The following FAM200B variants were observed in gnomAD, a reference collection of about 807,000 sequenced individuals.
FAM200B encodes protein FAM200B.
A neutral mutation model predicts 33.1 loss-of-function variants in FAM200B; 32 were observed. The observed-to-expected ratio is 0.97, with a 90% CI of 0.73 to 1.30. The LOEUF is 1.30. Among genes scored for constraint, FAM200B ranks in the 50% most tolerant of loss-of-function variants. FAM200B has a pLI of 0.00. For synonymous variants in FAM200B, 240 were observed against 264.8 expected (o/e 0.91, Z 0.91); for missense variants, 741 against 754.0 (o/e 0.98, Z 0.20).
chr4:15,639,697 G>A, the FAM200B span, among the ~76,000 whole-genome samples: 1 of 152,186 alleles, frequency 6.6e-6, no homozygotes, highest in Non-Finnish European at 1.5e-5. Context: ...AACACTGGCT[G>A]TATATTACAA....
the FAM200B span, among the ~76,000 whole-genome samples, chr4:15,671,395 A>T: frequency 6.6e-6 from 1 of 151,936 alleles, no homozygotes; most frequent in Non-Finnish European, 1.5e-5. Context: ...TTAAGATTTT[A>T]TCTTTATCAC....
chr4:15,640,448 A>G, the FAM200B span, among the ~76,000 whole-genome samples: 6 of 152,092 alleles, frequency 3.9e-5, no homozygotes, highest in South Asian at 1.2e-3. Flanking sequence ...AAAACAAAAA[A>G]ATATTTAAAA....
At chr4:15,637,645 C>T in the FAM200B span, among the ~76,000 whole-genome samples, 1 of 152,138 alleles carries the variant, frequency 6.6e-6, no homozygotes, top group Non-Finnish European at 1.5e-5. Flanking sequence ...TTAAACCAGA[C>T]ATAACAAGTC....
At chr4:15,641,935 G>A in the FAM200B span, among the ~76,000 whole-genome samples, 4 of 151,966 alleles carry the variant, frequency 2.6e-5, no homozygotes, top group Admixed American at 1.3e-4. Context: ...GCTGAGGCAC[G>A]GAGAACTGCT....
At chr4:15,654,237 A>T in the FAM200B span, among the ~76,000 whole-genome samples, 1 of 152,244 alleles carries the variant, frequency 6.6e-6, no homozygotes, top group Non-Finnish European at 1.5e-5. Context: ...AACAGTAGTC[A>T]TTTGAATGCT....
the FAM200B span, among the ~76,000 whole-genome samples, chr4:15,649,833 T>C: frequency 6.6e-6 from 1 of 152,084 alleles, no homozygotes; most frequent in Non-Finnish European, 1.5e-5. Flanking sequence ...AAAATCCTCA[T>C]TTTACAGACT....
the FAM200B span, among the ~76,000 whole-genome samples, chr4:15,644,085 T>C: frequency 6.6e-6 from 1 of 152,228 alleles, no homozygotes; most frequent in Non-Finnish European, 1.5e-5. Context: ...GAAAAATCTC[T>C]CAGCCTTAGT....
the FAM200B span, among the ~76,000 whole-genome samples, chr4:15,648,355 A>G: frequency 6.6e-6 from 1 of 152,228 alleles, no homozygotes. Flanking sequence ...TGTAATTTTC[A>G]TAAGTTCCAG....
Position 15,687,243 on chromosome 4 carries a change from GTAA to G in FAM200B, c.272_274del (p.Asn91del). On this transcript the variant is annotated inframe_deletion, in exon 2 of 2. Transcript: ENST00000422728. ...AATGACAGACCTCAGTGTGTTATTTGTAATAATATTCTTGCGAATGAAAGCTTA... is the reference window on the plus strand; with the variant it reads ...AATGACAGACCTCAGTGTGTTATTTGTAATATTCTTGCGAATGAAAGCTTA... 1.9e-6 allele frequency: 3 copies of G among 1,545,288 alleles called. No individual in the cohort carries two copies. Among genetic ancestry groups the G allele is most frequent in the Non-Finnish European group, 2.6e-6 (3 of 1,144,926 alleles).
the FAM200B span, among the ~76,000 whole-genome samples, chr4:15,673,899 C>G: frequency 2.0e-5 from 3 of 152,202 alleles, no homozygotes; most frequent in African/African-American, 7.2e-5. Context: ...CTGAGGCAAT[C>G]ATAGGACTCA....
the FAM200B span, among the ~76,000 whole-genome samples, chr4:15,666,381 CAG>C: frequency 6.6e-6 from 1 of 152,048 alleles, no homozygotes; most frequent in South Asian, 2.1e-4. Context: ...GCCAGGGAGA[CAG>C]AGCAAGACCC....
rs528044752 is a variant in FAM200B, at chr4:15,686,997, A to C, written c.20A>C (p.Lys7Thr). 2.1e-6 allele frequency: 3 copies of C among 1,407,022 alleles called. No homozygotes were observed. In the African/African-American group the frequency reaches 4.4e-5, roughly 21 times the overall value. 87.2% of individuals were successfully genotyped at this position (1,407,022 alleles called of 1,614,324 possible). A position where few individuals can be genotyped will look rare whatever the true frequency, so the allele number is the denominator to read the frequency against. ...ATTAAAATGGATCATTTCTTTATTA[A>C]AAGAAAGAGGAATAGTGAAGTGAAA... MDHFFI[K>T]RKRNSEVKYT... Residue 7 changes from lysine to threonine, a missense_variant, in exon 2 of 2, where the codon AAA becomes ACA. By Grantham distance (78) the Lys-to-Thr change is moderately conservative. Coordinates refer to ENST00000422728, the MANE Select transcript of FAM200B (RefSeq NM_001145191.2).
chr4:15,687,569 AAC>A lies in FAM200B; in HGVS notation c.596_597del (p.Thr199SerfsTer31), dbSNP rs1440009964. 1.3e-6 allele frequency: 2 copies of A among 1,550,194 alleles called. No individual in the cohort carries two copies. Among genetic ancestry groups the A allele is most frequent in the Non-Finnish European group, 8.7e-7 (1 of 1,146,128 alleles). Reference protein sequence around the residue: ...ADKLKTIPNDNTVSLRICTIA... With the variant: ...ADKLKTIPNDXTVSLRICTIA... ...TAAATTAAAAACTATACCTAATGAT[AAC>A]ACAGTATCTCTTCGAATTTGTACTA... On this transcript the variant is annotated frameshift_variant, in exon 2 of 2. Transcript: ENST00000422728. LOFTEE classifies it high-confidence loss of function.
At chr4:15,639,733 C>T in the FAM200B span, among the ~76,000 whole-genome samples, 2 of 152,164 alleles carry the variant, frequency 1.3e-5, no homozygotes, top group African/African-American at 2.4e-5. Flanking sequence ...TGAAAAAATA[C>T]CCAGGTCAAT....
the FAM200B span, among the ~76,000 whole-genome samples, chr4:15,654,419 C>T: frequency 8.8e-3 from 1,347 of 152,306 alleles, 27 homozygotes; most frequent in African/African-American, 0.031. Flanking sequence ...TTATGCTGCA[C>T]CAATTATGGG....
At chr4:15,683,720 C>CT (rs1181224526) in intron 1 of FAM200B, among the ~76,000 whole-genome samples, 3 of 152,106 alleles carry the variant, frequency 2.0e-5, no homozygotes, top group Non-Finnish European at 4.4e-5. Context: ...GAAGTAGAAT[C>CT]TTTAACAATC....
At position 15,687,846 on chromosome 4, in the gene FAM200B, A is replaced by G. The variant is rs965813352; in HGVS notation, c.869A>G (p.Asn290Ser). 1.3e-6 allele frequency: 2 copies of G among 1,551,232 alleles called. No individual in the cohort carries two copies. The highest frequency in any genetic ancestry group is 1.4e-5 in the African/African-American group (1 of 73,034). Residue 290 changes from asparagine to serine, a missense_variant, in exon 2 of 2, where the codon AAC (asparagine) becomes AGC (serine). Physicochemically the swap from Asn to Ser is conservative, Grantham distance 46 (BLOSUM62 1). Transcript: ENST00000422728. ...GGCCAATATAAATTAAACTGGAAAA[A>G]CTGTAAAGGAATTACAAGTGATGGC... ...IVGQYKLNWK[N>S]CKGITSDGTA...
chr4:15,654,983 C>G, the FAM200B span, among the ~76,000 whole-genome samples: 3 of 151,784 alleles, frequency 2.0e-5, no homozygotes, highest in Non-Finnish European at 4.4e-5. Flanking sequence ...CCGCCCGCCC[C>G]GAGAGCACGT....
At chr4:15,642,377 T>G in the FAM200B span, among the ~76,000 whole-genome samples, 1 of 151,728 alleles carries the variant, frequency 6.6e-6, no homozygotes, top group Admixed American at 6.6e-5. Flanking sequence ...GGACTACAGG[T>G]GCCCATCACA....
Sources: allele counts gnomAD v4.1 joint callset (sites outside exome capture counted in the v4.1 genomes callset), GRCh38; gene constraint gnomAD v4.1.1; transcripts MANE v1.5; gene names NCBI Gene and HGNC (gene_info 2026-07-23, HGNC 2026-07-21).